The following HPGDS variants were observed in gnomAD, a reference collection of about 807,000 sequenced individuals.
HPGDS encodes the protein hematopoietic prostaglandin D synthase, also known as GST class-sigma.
HPGDS carries 26 observed loss-of-function variants against 23.1 expected under a neutral mutation model. That is an observed-to-expected ratio of 1.13 (90% confidence interval 0.83 to 1.56). HPGDS has a LOEUF of 1.56. Ranked by LOEUF, HPGDS falls within the 40% of genes most tolerant of loss-of-function variation. HPGDS has a pLI of 0.00. For synonymous variants in HPGDS, 95 were observed against 77.9 expected (o/e 1.22, Z -1.16); for missense variants, 268 against 236.4 (o/e 1.13, Z -0.88).
intron 5 of HPGDS, among the ~76,000 whole-genome samples, chr4:94,301,604 G>A (rs10856908): frequency 2.4e-4 from 36 of 151,892 alleles, no homozygotes; most frequent in African/African-American, 8.2e-4. Flanking sequence ...CTCTATCTCC[G>A]TTCTCCCACA....
At chr4:94,305,283 A>G (rs1173625395) in intron 4 of HPGDS, among the ~76,000 whole-genome samples, 1 of 152,054 alleles carries the variant, frequency 6.6e-6, no homozygotes, top group African/African-American at 2.4e-5. Flanking sequence ...TTGACTCCAG[A>G]GCCTAAATGT....
At position 94,299,644 on chromosome 4, in the gene HPGDS, C is replaced by A; in HGVS notation, c.436G>T (p.Val146Leu). Residue 146 changes from valine (V) to leucine (L), a missense_variant and splice_region_variant, in exon 6 of 6, where the codon GTA (valine) becomes TTA (leucine). Transcript: ENST00000295256. ...TCCCAGTAGAAGTCTGCCCAAGTTACCTAGTTTAAAGGAAACAAACTTTTC... is the reference window on the plus strand; with the variant it reads ...TCCCAGTAGAAGTCTGCCCAAGTTAACTAGTTTAAAGGAAACAAACTTTTC... Reference protein sequence around the residue: ...GGREWLIGNSVTWADFYWEIC... With the variant: ...GGREWLIGNSLTWADFYWEIC... 1 of 1,612,642 alleles carries A rather than the reference C, an allele frequency of 6.2e-7. No homozygotes were observed. The highest frequency in any genetic ancestry group is 8.5e-7 in the Non-Finnish European group (1 of 1,179,234).
intron 3 of HPGDS, among the ~76,000 whole-genome samples, chr4:94,311,365 C>G (rs1032650943): frequency 6.6e-6 from 1 of 151,134 alleles, no homozygotes; most frequent in Admixed American, 6.6e-5. Flanking sequence ...GAATTGTGTC[C>G]AAGGCCTTTT....
intron 2 of HPGDS, among the ~76,000 whole-genome samples, chr4:94,330,678 G>GT (rs1340642173): frequency 6.6e-6 from 1 of 151,952 alleles, no homozygotes; most frequent in African/African-American, 2.4e-5. Flanking sequence ...TGAGCCTCAA[G>GT]TTTCCTTTCT....
intron 2 of HPGDS, among the ~76,000 whole-genome samples, chr4:94,325,457 C>T (rs183465156): frequency 3.9e-5 from 6 of 152,274 alleles, no homozygotes; most frequent in South Asian, 2.1e-4. Context: ...GCTTCCCAGC[C>T]GCTTTGTTTA....
rs1431760167 is a variant in HPGDS, at chr4:94,334,495, A to G, written c.133+2T>C. ...CCTACATTTATTATTTTTGCTACTT[A>G]CTTGATTTGATTTCAGGCCAGTCAG... On this transcript the variant is annotated splice_donor_variant, in intron 2 of 5. Transcript: ENST00000295256. LOFTEE classifies it high-confidence loss of function. 1 of 1,590,794 alleles carries G rather than the reference A, an allele frequency of 6.3e-7. No individual in the cohort carries two copies. The highest frequency in any genetic ancestry group is 2.3e-5 in the East Asian group (1 of 44,130).
chr4:94,340,260 C>CCTTTCTTTCTTTTCTTTCTTT, intron 1 of HPGDS, among the ~76,000 whole-genome samples: 1 of 81,524 alleles, frequency 1.2e-5, no homozygotes, highest in South Asian at 6.0e-4. Context: ...CTGGTCTAAA[C>CCTTTCTTTCTTTTCTTTCTTT]CTTTCTTTCT....
At chr4:94,334,240 G>T (rs113554763) in intron 2 of HPGDS, 6,676 of 296,280 alleles carry the variant, frequency 0.023, 405 homozygotes, top group African/African-American at 0.13. Context: ...AAACAATGTC[G>T]CATGTTTATT....
At chr4:94,300,717 G>A (rs1244137322) in intron 5 of HPGDS, among the ~76,000 whole-genome samples, 1 of 148,242 alleles carries the variant, frequency 6.7e-6, no homozygotes, top group African/African-American at 2.5e-5. Context: ...CAAAATGATA[G>A]GGGTTAGGAA....
Position 94,299,554 on chromosome 4 carries a change from T to C in HPGDS, c.526A>G (p.Thr176Ala), listed in dbSNP as rs1323154867. The C allele has an allele frequency of 3.7e-6, 6 of 1,613,918 alleles. No individual in the cohort carries two copies. The highest frequency in any genetic ancestry group is 5.1e-6 in the Non-Finnish European group (6 of 1,180,006). Residue 176 changes from threonine (T) to alanine (A), a missense_variant, in exon 6 of 6, where the codon ACT becomes GCT. Transcript: ENST00000295256. ...DLLDNHPRLV[T>A]LRKKVQAIPA... is the part of the protein sequence containing the mutation. ...ATGGCTTGGACTTTCTTCCGTAAAG[T>C]CACCAGCCTTGGATGGTTGTCTAAC...
chr4:94,333,606 T>A (rs751007992), intron 2 of HPGDS, among the ~76,000 whole-genome samples: 1 of 152,242 alleles, frequency 6.6e-6, no homozygotes, highest in Non-Finnish European at 1.5e-5. Flanking sequence ...CATTTGAAAC[T>A]ATATCCTAAC....
chr4:94,311,962 T>A (rs1313929807), intron 3 of HPGDS, among the ~76,000 whole-genome samples: 1 of 152,056 alleles, frequency 6.6e-6, no homozygotes, highest in African/African-American at 2.4e-5. Context: ...GTAGTTTGTA[T>A]TTCTGTGGGA....
intron 1 of HPGDS, among the ~76,000 whole-genome samples, chr4:94,340,291 TTC>T (rs1491162840): frequency 0.053 from 4,128 of 78,312 alleles, 241 homozygotes; most frequent in African/African-American, 0.13. Context: ...CTTTCTTTCT[TTC>T]TTTCTTTCTT....
chr4:94,310,153 T>C (rs1176220696), intron 3 of HPGDS, among the ~76,000 whole-genome samples: 1 of 152,264 alleles, frequency 6.6e-6, no homozygotes, highest in Admixed American at 6.5e-5. Context: ...CATTTGTCAA[T>C]TCTGGCTTTT....
At chr4:94,337,932 T>C (rs977546846) in intron 1 of HPGDS, among the ~76,000 whole-genome samples, 5 of 152,248 alleles carry the variant, frequency 3.3e-5, no homozygotes, top group African/African-American at 1.2e-4. Flanking sequence ...AAGTCTAAGA[T>C]TTGGCAGAGG....
intron 2 of HPGDS, among the ~76,000 whole-genome samples, chr4:94,322,801 C>G (rs887971392): frequency 1.3e-5 from 2 of 152,110 alleles, no homozygotes; most frequent in Non-Finnish European, 2.9e-5. Flanking sequence ...TTGCCTTCTG[C>G]TAGCTTTTGA....
At chr4:94,310,573 C>T (rs999320861) in intron 3 of HPGDS, among the ~76,000 whole-genome samples, 1 of 152,192 alleles carries the variant, frequency 6.6e-6, no homozygotes, top group African/African-American at 2.4e-5. Context: ...TAGCGTGATG[C>T]TTCCAGCCTT....
At chr4:94,314,685 A>T (rs184261938) in intron 3 of HPGDS, among the ~76,000 whole-genome samples, 1 of 152,150 alleles carries the variant, frequency 6.6e-6, no homozygotes, top group African/African-American at 2.4e-5. Flanking sequence ...GGGACATTTA[A>T]GTCTGCAGAG....
chr4:94,320,090 C>T (rs567550351), intron 2 of HPGDS, among the ~76,000 whole-genome samples: 1 of 152,312 alleles, frequency 6.6e-6, no homozygotes, highest in South Asian at 2.1e-4. Context: ...AGGACATGAA[C>T]TCATCCTTTT....
Sources: allele counts gnomAD v4.1 joint callset (sites outside exome capture counted in the v4.1 genomes callset), GRCh38; gene constraint gnomAD v4.1.1; transcripts MANE v1.5; gene names NCBI Gene and HGNC (gene_info 2026-07-23, HGNC 2026-07-21).